The following CRADD variants were observed in gnomAD, a reference collection of about 807,000 sequenced individuals.
The protein encoded by CRADD is CARD and death domain containing adaptor protein, also known as death domain-containing protein CRADD.
CRADD carries 9 observed loss-of-function variants against 15.5 expected under a neutral mutation model. That is an observed-to-expected ratio of 0.58 (90% CI 0.35 to 1.01). CRADD has a LOEUF of 1.01. Among genes scored for constraint, CRADD ranks in the 50% least tolerant of loss-of-function variants. The pLI, the probability that CRADD is intolerant of heterozygous loss-of-function variation, is 0.02. For missense variants in CRADD, 227 were observed against 250.3 expected (o/e 0.91, Z 0.63); for synonymous variants, 118 against 107.6 (o/e 1.10, Z -0.60).
At chr12:93,718,758 TTCTC>T (rs1956207556) in intron 2 of CRADD, among the ~76,000 whole-genome samples, 1 of 151,784 alleles carries the variant, frequency 6.6e-6, no homozygotes, top group Non-Finnish European at 1.5e-5. Context: ...AGTCTCAATT[TTCTC>T]TCTTTTTTTT....
At chr12:93,683,123 G>C (rs1039327481) in intron 2 of CRADD, among the ~76,000 whole-genome samples, 11 of 152,080 alleles carry the variant, frequency 7.2e-5, no homozygotes, top group Non-Finnish European at 4.4e-5. Context: ...GGGGCCTGTC[G>C]GCACTGACAG....
chr12:93,793,634 G>T (rs1957376811), intron 2 of CRADD, among the ~76,000 whole-genome samples: 1 of 152,094 alleles, frequency 6.6e-6, no homozygotes, highest in Non-Finnish European at 1.5e-5. Flanking sequence ...AAAAACAATT[G>T]TTCCTTACAA....
chr12:93,782,916 A>G (rs1957228002), intron 2 of CRADD, among the ~76,000 whole-genome samples: 1 of 152,206 alleles, frequency 6.6e-6, no homozygotes, highest in Non-Finnish European at 1.5e-5. Flanking sequence ...TCAGAATGGT[A>G]AAATATAATA....
chr12:93,734,398 G>C (rs541526217), intron 2 of CRADD, among the ~76,000 whole-genome samples: 1 of 152,254 alleles, frequency 6.6e-6, no homozygotes, highest in African/African-American at 2.4e-5. Flanking sequence ...TGACTTACTT[G>C]GGATAATAAT....
At position 93,688,916 on chromosome 12, in the gene CRADD, C is replaced by G. The variant is rs993214801; in HGVS notation, c.298+9844C>G. ...CTTCCAGTTTCTTCCAGACACACAG[C>G]CTCAGGAGGCTTTCTCTTTCTTGCC... On this transcript the variant is annotated intron_variant, in intron 2 of 2. Transcript: ENST00000332896. Among the ~76,000 whole-genome samples the G allele has an allele frequency of 2.2e-4, 33 of 152,176 alleles. 1 individual carries two copies. Among genetic ancestry groups the G allele is most frequent in the Admixed American group, 6.5e-4 (10 of 15,272 alleles).
intron 2 of CRADD, among the ~76,000 whole-genome samples, chr12:93,881,502 T>C (rs1319604079): frequency 1.3e-5 from 2 of 152,144 alleles, no homozygotes; most frequent in Admixed American, 6.5e-5. Context: ...TTTCTTCTTT[T>C]TGTTTGTCAC....
intron 1 of CRADD, among the ~76,000 whole-genome samples, chr12:93,678,498 A>AT (rs1208128596): frequency 2.6e-5 from 4 of 151,672 alleles, no homozygotes; most frequent in Admixed American, 2.6e-4. Flanking sequence ...CTTTTTCCAA[A>AT]TTTCTTTATT....
chr12:93,878,901 G>GT (rs1320043614), intron 2 of CRADD, among the ~76,000 whole-genome samples: 3 of 152,096 alleles, frequency 2.0e-5, no homozygotes, highest in South Asian at 2.1e-4. Flanking sequence ...TGATGAAAGT[G>GT]TTTTTTTTCT....
At chr12:93,761,056 C>T (rs1956954453) in intron 2 of CRADD, among the ~76,000 whole-genome samples, 1 of 152,030 alleles carries the variant, frequency 6.6e-6, no homozygotes, top group East Asian at 1.9e-4. Context: ...GGAGATGAGA[C>T]TGGGCAGGCT....
intron 2 of CRADD, among the ~76,000 whole-genome samples, chr12:93,883,646 C>A (rs1958517535): frequency 6.6e-6 from 1 of 151,932 alleles, no homozygotes; most frequent in Non-Finnish European, 1.5e-5. Flanking sequence ...AGCAAGATCC[C>A]ATCTCTAAAA....
intron 2 of CRADD, among the ~76,000 whole-genome samples, chr12:93,801,859 C>T (rs372309697): frequency 4.6e-5 from 7 of 152,252 alleles, no homozygotes; most frequent in African/African-American, 1.4e-4. Flanking sequence ...CCCTCCCATC[C>T]GGCCACAACA....
intron 2 of CRADD, among the ~76,000 whole-genome samples, chr12:93,867,156 A>G (rs1248564175): frequency 5.9e-5 from 9 of 151,938 alleles, no homozygotes; most frequent in Non-Finnish European, 1.3e-4. Context: ...TCTATTTTAG[A>G]AAATGGGCTA....
chr12:93,868,558 G>C (rs572898977), intron 2 of CRADD, among the ~76,000 whole-genome samples: 103 of 152,116 alleles, frequency 6.8e-4, no homozygotes, highest in African/African-American at 2.2e-3. Context: ...AGAATATATG[G>C]TATAATTTCA....
intron 2 of CRADD, among the ~76,000 whole-genome samples, chr12:93,838,214 G>GTTTTTTTTTTTTTTTTTTTTTTTTTTTTT (rs66564800): frequency 2.3e-5 from 3 of 130,604 alleles, no homozygotes; most frequent in Non-Finnish European, 3.2e-5. Context: ...TCCTTTTGAG[G>GTTTTTTTTTTTTTTTTTTTTTTTTTTTTT]TTTTTTTTTT....
chr12:93,774,177 A>C (rs1957117901), intron 2 of CRADD, among the ~76,000 whole-genome samples: 1 of 152,078 alleles, frequency 6.6e-6, no homozygotes, highest in Admixed American at 6.5e-5. Flanking sequence ...TTTGTGCTTA[A>C]GAGAAAACCA....
intron 2 of CRADD, among the ~76,000 whole-genome samples, chr12:93,768,350 TAAAG>T (rs1957047372): frequency 6.6e-6 from 1 of 152,222 alleles, no homozygotes; most frequent in South Asian, 2.1e-4. Context: ...TGTTTCATGT[TAAAG>T]AAATTGAAAC....
At chr12:93,891,565 T>C (rs1958576438) in intron 2 of CRADD, among the ~76,000 whole-genome samples, 1 of 152,248 alleles carries the variant, frequency 6.6e-6, no homozygotes, top group Non-Finnish European at 1.5e-5. Flanking sequence ...GACTGGGGTA[T>C]GCAGGGAGGT....
intron 2 of CRADD, among the ~76,000 whole-genome samples, chr12:93,697,856 C>T (rs187379091): frequency 3.0e-4 from 45 of 152,134 alleles, no homozygotes; most frequent in African/African-American, 9.9e-4. Context: ...TATTTTTATG[C>T]TAGGTTTGAT....
At chr12:93,803,248 A>G (rs921914824) in intron 2 of CRADD, among the ~76,000 whole-genome samples, 2 of 152,036 alleles carry the variant, frequency 1.3e-5, no homozygotes, top group African/African-American at 2.4e-5. Flanking sequence ...AATGTGTACC[A>G]CTTCCAGGCC....
Sources: allele counts gnomAD v4.1 joint callset (sites outside exome capture counted in the v4.1 genomes callset), GRCh38; gene constraint gnomAD v4.1.1; transcripts MANE v1.5; gene names NCBI Gene and HGNC (gene_info 2026-07-23, HGNC 2026-07-21).